ABCA6: variants seen among roughly 807,000 people sequenced by gnomAD.
The protein encoded by ABCA6 is ATP binding cassette subfamily A member 6.
A neutral mutation model predicts 191.2 loss-of-function variants in ABCA6; 164 were observed. The ratio of observed to expected loss-of-function variants is 0.86; its 90% confidence interval spans 0.76 to 0.98. ABCA6 has a LOEUF of 0.98. ABCA6 is among the 50% of genes least tolerant of loss of function. ABCA6 has a pLI of 0.00. For synonymous variants in ABCA6, 636 were observed against 647.7 expected (o/e 0.98, Z 0.27); for missense variants, 1,958 against 1,894.1 (o/e 1.03, Z -0.63).
chr17:69,100,818 A>T lies in ABCA6; in HGVS notation c.2991T>A (p.Ile997=), dbSNP rs1004460738. The T allele has an allele frequency of 4.3e-6, 7 of 1,610,564 alleles. No individual in the cohort carries two copies. The highest frequency in any genetic ancestry group is 5.9e-6 in the Non-Finnish European group (7 of 1,178,834). ...TTACAAGAGGAAATGGGCTTGACTCAATTCGAATATGTTGTGTGTGATTAA... is the reference window on the plus strand; with the variant it reads ...TTACAAGAGGAAATGGGCTTGACTCTATTCGAATATGTTGTGTGTGATTAA... ...QMFNHTQHIR[I]ESSPFPLSHI... is the part of the protein sequence containing the mutation. Residue 997 remains isoleucine (I), a synonymous_variant, in exon 22 of 39, where the codon ATT becomes ATA. Transcript: ENST00000284425.
chr17:69,088,249 G>C lies in ABCA6; in HGVS notation c.3616C>G (p.Gln1206Glu), dbSNP rs753685604. 2 of 1,608,796 alleles carry C rather than the reference G, an allele frequency of 1.2e-6. No individual in the cohort carries two copies. Among genetic ancestry groups the C allele is most frequent in the African/African-American group, 2.7e-5 (2 of 74,700 alleles). ...AGAACAAAAACGAATAGCAAAGTCT[G>C]AAAGTAGGGCTATGAGCAAAGAAAT... Reference protein sequence around the residue: ...DFLVCFIPYFQTLLFVFVLRC... With the variant: ...DFLVCFIPYFETLLFVFVLRC... Residue 1206 changes from glutamine (Q) to glutamate (E), a missense_variant, in exon 28 of 39, where the codon CAG (glutamine) becomes GAG (glutamate). Transcript: ENST00000284425.
In ABCA6 at chr17:69,083,254, G is replaced by T. The variant is rs117323775; in HGVS notation, c.4433C>A (p.Ala1478Asp). The change falls in exon 35 of 39, where the codon GCC becomes GAC. Residue 1478 changes from alanine (A) to aspartate (D), a missense_variant. By Grantham distance (126) the Ala-to-Asp change is moderately radical. Transcript: ENST00000284425. ...LTTHNLAEAE[A>D]LCDRVAIMVS... ...CATGATGGCCACACGGTCACACAAGGCTTCCGCCTCAGCCAGGTTATGGGT... is the reference window on the plus strand; with the variant it reads ...CATGATGGCCACACGGTCACACAAGTCTTCCGCCTCAGCCAGGTTATGGGT... 1.6e-5 allele frequency: 26 copies of T among 1,610,808 alleles called. No individual in the cohort carries two copies. The East Asian group carries it at 2.5e-4, about 15-fold the overall frequency.
In ABCA6 at chr17:69,084,362, T is replaced by C. The variant is rs770823360; in HGVS notation, c.4261-7A>G. 15 of 1,614,058 alleles carry C rather than the reference T, an allele frequency of 9.3e-6. No homozygotes were observed. The highest frequency in any genetic ancestry group is 4.0e-5 in the African/African-American group (3 of 75,000). On this transcript the variant is annotated splice_polypyrimidine_tract_variant and splice_region_variant and intron_variant, in intron 33 of 38. Transcript: ENST00000284425. ...GGCTCAGCACAAAACACAACTGCAATGTAGAAAAACACCCCTGTTTGCTGC... is the reference window on the plus strand; with the variant it reads ...GGCTCAGCACAAAACACAACTGCAACGTAGAAAAACACCCCTGTTTGCTGC...
intron 19 of ABCA6, 64 bp from the exon 20 acceptor site, chr17:69,105,692 C>T: frequency 8.1e-7 from 1 of 1,232,832 alleles, no homozygotes; most frequent in Non-Finnish European, 1.1e-6. Flanking sequence ...GTAAGACATT[C>T]CACAAGTATT....
chr17:69,113,168 C>T lies in ABCA6; in HGVS notation c.2041+54G>A, dbSNP rs1255450958. 2.6e-6 allele frequency: 4 copies of T among 1,562,986 alleles called. No individual in the cohort carries two copies. The Admixed American group carries it at 6.1e-5, about 24-fold the overall frequency. ...GCTCTTACCCTGGGAATAGACCTCG[C>T]TTCTAAATTCCCCAATTGCATCATG... On this transcript the variant is annotated intron_variant, in intron 15 of 38. Transcript: ENST00000284425.
chr17:69,091,082 G>A, intron 26 of ABCA6, 61 bp downstream of exon 26: 1 of 1,540,454 alleles, frequency 6.5e-7, no homozygotes, highest in Non-Finnish European at 8.8e-7. Context: ...CTTGATCTGG[G>A]AAAAGCACTT....
Position 69,114,794 on chromosome 17 carries a change from T to G in ABCA6, c.1750A>C (p.Lys584Gln), listed in dbSNP as rs776897544. The G allele has an allele frequency of 6.2e-7, 1 of 1,612,288 alleles. No individual in the cohort carries two copies. Among genetic ancestry groups the G allele is most frequent in the Non-Finnish European group, 8.5e-7 (1 of 1,179,076 alleles). Residue 584 changes from lysine (K) to glutamine (Q), a missense_variant, in exon 13 of 39, where the codon AAA becomes CAA. Coordinates refer to ENST00000284425, the MANE Select transcript of ABCA6 (RefSeq NM_080284.3). The stretch of plus-strand genomic sequence containing the variant: ...TCCACTTCCTTTAGATGAATCCCTT[T>G]TATTTTAGCAAACAGGCTGAGGTTT... ...KENLSLFAKIKGIHLKEVEQE... is the reference protein window; with the variant it reads ...KENLSLFAKIQGIHLKEVEQE...
At chr17:69,117,534 G>A (rs1018830138) in intron 11 of ABCA6, among the ~76,000 whole-genome samples, 1 of 151,986 alleles carries the variant, frequency 6.6e-6, no homozygotes, top group African/African-American at 2.4e-5. Context: ...AACCTCACCA[G>A]TACATATAAA....
intron 6 of ABCA6, among the ~76,000 whole-genome samples, chr17:69,131,466 A>G (rs528663134): frequency 1.3e-5 from 2 of 152,332 alleles, no homozygotes; most frequent in East Asian, 3.9e-4. Context: ...TATGAAAATT[A>G]CAAATGAAAG....
intron 4 of ABCA6, 40 bp from the exon 5 acceptor site, chr17:69,134,782 G>T (rs770056865): frequency 1.5e-6 from 2 of 1,362,524 alleles, no homozygotes; most frequent in Non-Finnish European, 1.0e-6. Flanking sequence ...ATTATGGGAC[G>T]AGGGCAGTTG....
intron 36 of ABCA6, 102 bp downstream of exon 36, chr17:69,082,771 T>G: frequency 6.6e-7 from 1 of 1,516,250 alleles, no homozygotes; most frequent in Non-Finnish European, 8.9e-7. Context: ...TCCCTAACTT[T>G]TATTATGAAG....
In ABCA6 at chr17:69,085,199, G is replaced by C. The variant is rs748770804; in HGVS notation, c.4030-17C>G. The C allele has an allele frequency of 1.9e-5, 31 of 1,593,628 alleles. No individual in the cohort carries two copies. In the South Asian group the frequency reaches 3.5e-4, roughly 18 times the overall value. On this transcript the variant is annotated splice_polypyrimidine_tract_variant and intron_variant, in intron 31 of 38. Coordinates refer to ENST00000284425, the MANE Select transcript of ABCA6 (RefSeq NM_080284.3). ...CAGTTCCACCTAAAAAAATAAAAGA[G>C]CTTTAGAAAGGCATGCAGCCTTTAT...
chr17:69,134,719 C>T lies in ABCA6; in HGVS notation c.484G>A (p.Glu162Lys), dbSNP rs749963428. Residue 162 changes from glutamate (E) to lysine (K), a missense_variant, in exon 5 of 39, where the codon GAG becomes AAG. By Grantham distance (56) the Glu-to-Lys change is moderately conservative (BLOSUM62 1). Coordinates refer to ENST00000284425, the MANE Select transcript of ABCA6 (RefSeq NM_080284.3). Reference sequence around the variant, plus strand: ...TATTTGGTCAATGTACATGAAAACTCACCATATCCATCCCAGCAATGAGCT... The same window carrying T: ...TATTTGGTCAATGTACATGAAAACTTACCATATCCATCCCAGCAATGAGCT... ...FSAHCWDGYG[E>K]FSCTLTKYWN... The T allele has an allele frequency of 1.9e-6, 3 of 1,613,560 alleles. No homozygotes were observed. The highest frequency in any genetic ancestry group is 2.5e-6 in the Non-Finnish European group (3 of 1,179,772).
At chr17:69,084,376 CCT>C (rs765830637) in intron 33 of ABCA6, 21 bp from the exon 34 acceptor site, 129 of 1,613,982 alleles carry the variant, frequency 8.0e-5, no homozygotes, top group African/African-American at 1.3e-4. Context: ...GAAAAACACC[CCT>C]GTTTGCTGCC....
Position 69,085,654 on chromosome 17 carries a change from A to G in ABCA6, c.4000T>C (p.Ser1334Pro). Reference protein sequence around the residue: ...AGKSSSIRMISGITKPTAGEV... With the variant: ...AGKSSSIRMIPGITKPTAGEV... ...CCAGCAGTTGGCTTTGTGATCCCAG[A>G]TATCATTCTAATAGATGAACTTTTT... The change falls in exon 31 of 39, where the codon TCT becomes CCT. Residue 1334 changes from serine to proline, a missense_variant. Transcript: ENST00000284425. 1 of 1,612,002 alleles carries G rather than the reference A, an allele frequency of 6.2e-7. No individual in the cohort carries two copies. Among genetic ancestry groups the G allele is most frequent in the Non-Finnish European group, 8.5e-7 (1 of 1,179,152 alleles).
intron 14 of ABCA6, 35 bp downstream of exon 14, chr17:69,113,583 G>T: frequency 6.2e-7 from 1 of 1,612,068 alleles, no homozygotes; most frequent in South Asian, 1.1e-5. Flanking sequence ...GCAGACATTC[G>T]ACCTGCTTCC....
intron 25 of ABCA6, chr17:69,094,466 T>G (rs1451346056): frequency 6.6e-6 from 1 of 152,616 alleles, no homozygotes; most frequent in African/African-American, 2.4e-5. Context: ...TCTGTCACAG[T>G]CTATGGAATT....
intron 21 of ABCA6, among the ~76,000 whole-genome samples, chr17:69,101,577 C>T (rs1598460244): frequency 6.9e-6 from 1 of 144,550 alleles, no homozygotes; most frequent in Admixed American, 7.1e-5. Flanking sequence ...GCCTGGGTGA[C>T]AGAGCGAGAC....
intron 23 of ABCA6, 128 bp from the exon 24 acceptor site, chr17:69,096,929 A>G: frequency 1.3e-6 from 1 of 743,010 alleles, no homozygotes; most frequent in Non-Finnish European, 2.0e-6. Flanking sequence ...TATTAAAAAA[A>G]ATTATGCATA....
Sources: gnomAD v4.1 joint callset for allele counts (sites outside exome capture counted in the v4.1 genomes callset) on GRCh38, gnomAD v4.1.1 for gene constraint, MANE v1.5 for transcripts, NCBI Gene and HGNC (gene_info 2026-07-23, HGNC 2026-07-21) for gene names.